FRMD4A: variants seen among roughly 807,000 people sequenced by gnomAD.
FRMD4A encodes FERM domain-containing protein 4A.
A neutral mutation model predicts 129.1 loss-of-function variants in FRMD4A; 29 were observed. That is an observed-to-expected ratio of 0.22 (90% CI 0.17 to 0.31). The LOEUF (loss-of-function observed/expected upper bound fraction) is 0.31. Among genes scored for constraint, FRMD4A ranks in the 10% least tolerant of loss-of-function variants. The pLI is 1.00. For missense variants in FRMD4A, 1,272 were observed against 1,375.8 expected (o/e 0.92, Z 1.19); for synonymous variants, 634 against 571.6 (o/e 1.11, Z -1.56).
intron 2 of FRMD4A, among the ~76,000 whole-genome samples, chr10:14,309,980 G>A (rs1317534538): frequency 6.9e-6 from 1 of 144,420 alleles, no homozygotes; most frequent in Non-Finnish European, 1.5e-5. Flanking sequence ...AAGACTGGCC[G>A]TTCTTCCAGC....
intron 2 of FRMD4A, among the ~76,000 whole-genome samples, chr10:14,242,596 A>C (rs1391193348): frequency 1.3e-5 from 2 of 152,238 alleles, no homozygotes; most frequent in African/African-American, 2.4e-5. Context: ...CCTCTAGTGC[A>C]TGACCTCTGA....
chr10:13,874,245 CAAAAAAAA>C (rs71388124), intron 2 of FRMD4A, among the ~76,000 whole-genome samples: 1 of 76,402 alleles, frequency 1.3e-5, no homozygotes, highest in East Asian at 4.7e-4. Flanking sequence ...GACACTGTCT[CAAAAAAAA>C]AAAAAAAAAA....
intron 2 of FRMD4A, among the ~76,000 whole-genome samples, chr10:13,954,433 T>C (rs2095395398): frequency 6.6e-6 from 1 of 152,102 alleles, no homozygotes; most frequent in Admixed American, 6.5e-5. Context: ...CTGAAACTTA[T>C]CCACTATCAT....
chr10:14,074,885 C>G (rs1835493090), intron 2 of FRMD4A: 2 of 152,204 alleles, frequency 1.3e-5, no homozygotes. Flanking sequence ...CTGACCTTGA[C>G]TTCCAGGAAT....
chr10:13,971,928 A>T, intron 2 of FRMD4A: 1 of 1,227,200 alleles, frequency 8.1e-7, no homozygotes, highest in Non-Finnish European at 1.0e-6. Flanking sequence ...AGTCCAAATA[A>T]CTCTGATTCC....
intron 3 of FRMD4A, among the ~76,000 whole-genome samples, chr10:13,827,429 T>C (rs2093719709): frequency 6.6e-6 from 1 of 152,198 alleles, no homozygotes; most frequent in Non-Finnish European, 1.5e-5. Context: ...GACCTGATGT[T>C]AGACATTTAC....
chr10:14,112,918 TGACA>T (rs999619713), intron 2 of FRMD4A, among the ~76,000 whole-genome samples: 36 of 152,166 alleles, frequency 2.4e-4, no homozygotes, highest in Admixed American at 5.2e-4. Flanking sequence ...ACAATTACAG[TGACA>T]GACAAAGAGG....
chr10:14,006,672 A>C (rs1171120057), intron 2 of FRMD4A, among the ~76,000 whole-genome samples: 1 of 152,182 alleles, frequency 6.6e-6, no homozygotes. Flanking sequence ...GCATTTGTGA[A>C]TAAATATCTT....
intron 2 of FRMD4A, among the ~76,000 whole-genome samples, chr10:13,989,647 A>C (rs1777121197): frequency 6.6e-6 from 1 of 152,206 alleles, no homozygotes; most frequent in Admixed American, 6.5e-5. Context: ...TTTAAATAAG[A>C]ATACATGGAC....
At chr10:13,794,941 T>G (rs565315827) in intron 5 of FRMD4A, among the ~76,000 whole-genome samples, 1 of 152,322 alleles carries the variant, frequency 6.6e-6, no homozygotes, top group East Asian at 1.9e-4. Flanking sequence ...TGGAAAGATC[T>G]GTGTATCTTA....
At chr10:13,855,188 T>C (rs2094196009) in intron 3 of FRMD4A, among the ~76,000 whole-genome samples, 2 of 152,080 alleles carry the variant, frequency 1.3e-5, no homozygotes, top group Non-Finnish European at 1.5e-5. Context: ...AGAAGGGAAA[T>C]GTTATGCTCG....
At position 13,845,694 on chromosome 10, in the gene FRMD4A, T is replaced by C. The variant is rs181236163; in HGVS notation, c.111+13153A>G. The stretch of plus-strand genomic sequence containing the variant: ...AGTCTTGGGGGCGCTTCAGATGTTC[T>C]AGTGAATTTAACCCTAATCACAAGT... On this transcript the variant is annotated intron_variant, in intron 3 of 24. Transcript: ENST00000357447. 1.6e-4 allele frequency among the ~76,000 whole-genome samples: 24 copies of C among 152,288 alleles called. 1 individual carries two copies. In the East Asian group the frequency reaches 4.6e-3, roughly 29 times the overall value.
At position 13,670,521 on chromosome 10, in the gene FRMD4A, G is replaced by C; in HGVS notation, c.1259C>G (p.Thr420Arg). 6.2e-7 allele frequency: 1 copy of C among 1,612,378 alleles called. No homozygotes were observed. The highest frequency in any genetic ancestry group is 1.1e-5 in the South Asian group (1 of 90,980). ...GGGATATTCTACTGGCAGCTTGCCC[G>C]TGAGCTCCTGCATATGTGAAATGGC... Reference protein sequence around the residue: ...KKLCLREAELTGKLPVEYPLD... With the variant: ...KKLCLREAELRGKLPVEYPLD... The change falls in exon 17 of 25, where the codon ACG becomes AGG. Residue 420 changes from threonine (T) to arginine (R), a missense_variant. Physicochemically the swap from Thr to Arg is moderately conservative, Grantham distance 71. Around this residue, in one of 2 missense-constraint regions of FRMD4A, gnomAD observed 972 missense variants for 892.3 expected, o/e 1.09. Transcript: ENST00000357447.
chr10:13,847,498 C>T (rs933792978), intron 3 of FRMD4A, among the ~76,000 whole-genome samples: 2 of 152,120 alleles, frequency 1.3e-5, no homozygotes, highest in African/African-American at 4.8e-5. Context: ...GGGGCTCGCT[C>T]GCTCCCTCCC....
chr10:13,654,309 T>C (rs2081948647), intron 23 of FRMD4A, 107 bp downstream of exon 23: 1 of 808,052 alleles, frequency 1.2e-6, no homozygotes, highest in Non-Finnish European at 2.2e-6. Flanking sequence ...CTCCCAGTGA[T>C]GAACCCTCAT....
chr10:14,180,867 C>T (rs767856870), intron 2 of FRMD4A, among the ~76,000 whole-genome samples: 5 of 152,298 alleles, frequency 3.3e-5, no homozygotes, highest in South Asian at 2.1e-4. Flanking sequence ...ACACACATTC[C>T]GGCACTTCTA....
chr10:13,906,946 CT>C (rs750310430), intron 2 of FRMD4A, among the ~76,000 whole-genome samples: 16 of 152,196 alleles, frequency 1.1e-4, no homozygotes, highest in Non-Finnish European at 2.4e-4. Flanking sequence ...GTGCTCTGAA[CT>C]TCAGCATTTA....
Position 13,954,226 on chromosome 10 carries a change from T to C in FRMD4A, c.46-95314A>G, listed in dbSNP as rs747567714. 2.6e-4 allele frequency among the ~76,000 whole-genome samples: 40 copies of C among 152,310 alleles called. 1 individual carries two copies. The highest frequency in any genetic ancestry group is 6.8e-3 in the Middle Eastern group (2 of 294). ...ATTGCACTCGGTGGCTATATTAGTCTGTTCTCACACTGCTGATAAAGACAC... is the reference window on the plus strand; with the variant it reads ...ATTGCACTCGGTGGCTATATTAGTCCGTTCTCACACTGCTGATAAAGACAC... On this transcript the variant is annotated intron_variant, in intron 2 of 24. Transcript: ENST00000357447.
chr10:13,802,003 C>A (rs367623944), intron 4 of FRMD4A, among the ~76,000 whole-genome samples: 658 of 109,300 alleles, frequency 6.0e-3, no homozygotes, highest in Non-Finnish European at 7.3e-3. Context: ...AATAATAATG[C>A]AAAAAAAAAA....
Sources: allele counts gnomAD v4.1 joint callset (sites outside exome capture counted in the v4.1 genomes callset), GRCh38; gene constraint gnomAD v4.1.1; regional missense constraint gnomAD v4.1.1; transcripts MANE v1.5; gene names NCBI Gene and HGNC (gene_info 2026-07-23, HGNC 2026-07-21).